Variants in MGRN1 observed in about 807,000 individuals in gnomAD.
MGRN1 encodes the protein E3 ubiquitin-protein ligase MGRN1.
Under a neutral mutation model 69.2 loss-of-function variants are expected in MGRN1, and 29 were observed. That is an observed-to-expected ratio of 0.42 (90% CI 0.31 to 0.57). MGRN1 has a LOEUF of 0.57. MGRN1 is among the 20% of genes least tolerant of loss of function. The probability of loss-of-function intolerance (pLI) is 0.15; values close to 1 mark genes in which losing one functional copy is unlikely to be tolerated. For missense variants in MGRN1, 998 were observed against 796.2 expected, an observed-to-expected ratio of 1.25 and a Z score of -3.05; for synonymous variants, 470 against 344.2, an observed-to-expected ratio of 1.37 and a Z score of -4.04.
chr16:4,686,769 G>A (rs565307448), intron 16 of MGRN1: 3 of 994,070 alleles, frequency 3.0e-6, no homozygotes, highest in Middle Eastern at 5.1e-4. Flanking sequence ...CCCACCATGA[G>A]TTCGCATCGG....
At chr16:4,672,587 A>C in intron 9 of MGRN1, 1 of 397,328 alleles carries the variant, frequency 2.5e-6, no homozygotes, top group Non-Finnish European at 5.1e-6. Flanking sequence ...GAATGTTTTC[A>C]GCCGCCCGGG....
At chr16:4,654,440 G>T (rs1374872129) in intron 4 of MGRN1, among the ~76,000 whole-genome samples, 1 of 152,250 alleles carries the variant, frequency 6.6e-6, no homozygotes, top group African/African-American at 2.4e-5. Context: ...TTTGAAAACT[G>T]CAACTTCAGC....
At chr16:4,668,530 GAC>G (rs767001731) in intron 8 of MGRN1, among the ~76,000 whole-genome samples, 2 of 150,352 alleles carry the variant, frequency 1.3e-5, no homozygotes, top group Non-Finnish European at 3.0e-5. Context: ...TAAACACACA[GAC>G]ACACACATAC....
intron 7 of MGRN1, among the ~76,000 whole-genome samples, chr16:4,667,960 C>G (rs2078842714): frequency 6.6e-6 from 1 of 152,038 alleles, no homozygotes; most frequent in African/African-American, 2.4e-5. Context: ...GGCTGATTGG[C>G]ATTCAGCTTG....
chr16:4,684,374 G>C (rs1169630669), intron 16 of MGRN1, among the ~76,000 whole-genome samples: 2 of 152,246 alleles, frequency 1.3e-5, no homozygotes, highest in African/African-American at 2.4e-5. Context: ...GTGCGCTCCT[G>C]GCAGTGCCTG....
At chr16:4,687,212 C>T (rs2079344065) in intron 16 of MGRN1, 7 of 985,174 alleles carry the variant, frequency 7.1e-6, no homozygotes, top group Admixed American at 6.2e-5. Flanking sequence ...CCCCATCCCC[C>T]CCAAGAGGCG....
intron 15 of MGRN1, 124 bp from the exon 16 acceptor site, chr16:4,683,719 A>G: frequency 2.7e-6 from 2 of 750,270 alleles, no homozygotes; most frequent in Non-Finnish European, 4.3e-6. Flanking sequence ...CTGCTGGAGC[A>G]CAAGCCTGGG....
intron 15 of MGRN1, 102 bp downstream of exon 15, chr16:4,683,371 C>G: frequency 7.2e-7 from 1 of 1,395,768 alleles, no homozygotes; most frequent in Non-Finnish European, 9.9e-7. Flanking sequence ...AGCACCTCTT[C>G]TGCCCCAGGA....
chr16:4,679,129 G>A (rs192116341), intron 11 of MGRN1, among the ~76,000 whole-genome samples: 2 of 152,310 alleles, frequency 1.3e-5, no homozygotes, highest in East Asian at 1.9e-4. Context: ...GCTTTGATTC[G>A]GAAACGCTGC....
chr16:4,653,363 T>C (rs1048705402), intron 4 of MGRN1, among the ~76,000 whole-genome samples: 1 of 152,162 alleles, frequency 6.6e-6, no homozygotes, highest in Non-Finnish European at 1.5e-5. Context: ...GAAAACCCCA[T>C]TTCAGGGCCT....
At chr16:4,663,132 C>G (rs1414494561) in intron 5 of MGRN1, among the ~76,000 whole-genome samples, 2 of 151,854 alleles carry the variant, frequency 1.3e-5, no homozygotes, top group Non-Finnish European at 1.5e-5. Context: ...GGTGTGATCT[C>G]GGCTCACTGC....
chr16:4,648,556 G>C, intron 1 of MGRN1, among the ~76,000 whole-genome samples: 1 of 111,254 alleles, frequency 9.0e-6, no homozygotes, highest in Admixed American at 8.3e-5. Flanking sequence ...TCCTCCTCCC[G>C]GGGGCTCTTC....
At chr16:4,672,471 TG>T (rs1298678507) in intron 9 of MGRN1, 1 of 456,622 alleles carries the variant, frequency 2.2e-6, no homozygotes, top group African/African-American at 2.0e-5. Flanking sequence ...CAGCTCCACG[TG>T]GCGGGAGCGG....
intron 13 of MGRN1, among the ~76,000 whole-genome samples, chr16:4,682,074 T>A (rs2079196702): frequency 6.6e-6 from 1 of 152,194 alleles, no homozygotes; most frequent in Non-Finnish European, 1.5e-5. Flanking sequence ...CGGTGCTGTG[T>A]CTCTGCTGAG....
In MGRN1 at chr16:4,630,604, C is replaced by T. The variant is rs142164507; in HGVS notation, c.88+5556C>T. Among the ~76,000 whole-genome samples, 1,290 of 151,676 alleles carry T rather than the reference C, an allele frequency of 8.5e-3. 18 individuals are homozygous for T. Among genetic ancestry groups the T allele is most frequent in the African/African-American group, 0.03 (1,225 of 41,422 alleles). ...CTGAGATTACAGGTGCGAGCCACCA[C>T]GCCCGGCTAATTTTTGGATTTTTTA... On this transcript the variant is annotated intron_variant, in intron 1 of 16. Transcript: ENST00000262370.
intron 1 of MGRN1, among the ~76,000 whole-genome samples, chr16:4,631,263 A>G (rs1201973935): frequency 6.6e-6 from 1 of 152,228 alleles, no homozygotes; most frequent in Admixed American, 6.5e-5. Flanking sequence ...GTCAAAAATT[A>G]GTTGACCTAA....
At chr16:4,657,214 C>A in intron 4 of MGRN1, 32 bp from the exon 5 acceptor site, 1 of 1,599,390 alleles carries the variant, frequency 6.3e-7, no homozygotes, top group African/African-American at 1.3e-5. Context: ...CTTCCTGCCG[C>A]AGCCTCACTG....
chr16:4,683,890 G>A lies in MGRN1; in HGVS notation c.1576G>A (p.Glu526Lys), dbSNP rs537387885. The change falls in exon 16 of 17, where the codon GAG becomes AAG. Residue 526 changes from glutamate to lysine, a missense_variant. Glu to Lys is a moderately conservative substitution (Grantham distance 56). Transcript: ENST00000262370. ...IENVLQDSSP[E>K]HCGRGPPADI... The stretch of plus-strand genomic sequence containing the variant: ...GAATGTCCTGCAGGACAGCAGCCCC[G>A]AGCACTGTGGCCGAGGCCCACCTGC... 51 of 1,612,424 alleles carry A rather than the reference G, an allele frequency of 3.2e-5. No homozygotes were observed. The highest frequency in any genetic ancestry group is 3.3e-4 in the Middle Eastern group (2 of 6,058).
Position 4,668,407 on chromosome 16 carries a change from A to G in MGRN1, c.726+95A>G. 2.3e-6 allele frequency: 3 copies of G among 1,315,902 alleles called. No homozygotes were observed. In the East Asian group the frequency reaches 7.0e-5, roughly 31 times the overall value. The allele number at this position is 1,315,902 out of a possible 1,614,324, so 81.5% of individuals were successfully genotyped here. A position where few individuals can be genotyped will look rare whatever the true frequency, so the allele number is the denominator to read the frequency against. On this transcript the variant is annotated intron_variant, in intron 8 of 16. Transcript: ENST00000262370. ...CTCATACATAGACACACACTCATAC[A>G]CACGCACATATACTCATACACGCTC... is the stretch of plus-strand genomic sequence containing the variant.
Sources: gnomAD v4.1 joint callset for allele counts (sites outside exome capture counted in the v4.1 genomes callset) on GRCh38, gnomAD v4.1.1 for gene constraint, MANE v1.5 for transcripts, NCBI Gene and HGNC (gene_info 2026-07-23, HGNC 2026-07-21) for gene names.